Variants in GLIS3 observed in about 807,000 individuals in gnomAD.
The protein encoded by GLIS3 is GLIS family zinc finger 3, also known as zinc finger protein GLIS3.
In GLIS3, 53 loss-of-function variants were observed where a neutral mutation model predicts 78.6. The ratio of observed to expected loss-of-function variants is 0.67; its 90% confidence interval spans 0.54 to 0.85. The LOEUF (loss-of-function observed/expected upper bound fraction) is 0.85, where lower values mean the gene tolerates loss of function less well. GLIS3 is among the 40% of genes least tolerant of loss of function. The pLI is 0.00. For missense variants in GLIS3, 1,703 were observed against 1,231.1 expected (o/e 1.38, Z -5.74); for synonymous variants, 684 against 509.9 (o/e 1.34, Z -4.60).
At chr9:4,452,992 C>T in the GLIS3 span, among the ~76,000 whole-genome samples, 1 of 152,014 alleles carries the variant, frequency 6.6e-6, no homozygotes, top group East Asian at 1.9e-4. Flanking sequence ...AGAACAGAGG[C>T]CTCAGAAATA....
intron 2 of GLIS3, among the ~76,000 whole-genome samples, chr9:4,191,857 AAGAG>A (rs1818361809): frequency 6.6e-6 from 1 of 152,110 alleles, no homozygotes; most frequent in Admixed American, 6.5e-5. Flanking sequence ...AAGGAAAATG[AAGAG>A]AGAAAGAAAA....
the GLIS3 span, among the ~76,000 whole-genome samples, chr9:4,483,989 C>A: frequency 6.6e-6 from 1 of 152,182 alleles, no homozygotes; most frequent in Non-Finnish European, 1.5e-5. Flanking sequence ...GGGCCAAGTG[C>A]TTAGAAGAGC....
At chr9:4,359,917 T>C in the GLIS3 span, among the ~76,000 whole-genome samples, 1 of 152,092 alleles carries the variant, frequency 6.6e-6, no homozygotes, top group Admixed American at 6.6e-5. Flanking sequence ...TATAAATGTA[T>C]TTTCTGTATA....
intron 8 of GLIS3, among the ~76,000 whole-genome samples, chr9:3,863,783 G>T (rs971027664): frequency 6.6e-6 from 1 of 152,066 alleles, no homozygotes; most frequent in African/African-American, 2.4e-5. Flanking sequence ...GGAGCGAGTT[G>T]TAAGTCAAAA....
chr9:4,334,546 C>A (rs150956493), intron 2 of GLIS3, among the ~76,000 whole-genome samples: 14 of 152,350 alleles, frequency 9.2e-5, no homozygotes, highest in Admixed American at 7.8e-4. Context: ...AGGGCTCTTG[C>A]TCCAGCGTTG....
chr9:4,294,169 C>T (rs1201366749), intron 1 of GLIS3, among the ~76,000 whole-genome samples: 1 of 152,142 alleles, frequency 6.6e-6, no homozygotes, highest in South Asian at 2.1e-4. Context: ...TAAATCTGAC[C>T]TGTAAAAATG....
chr9:4,395,839 C>A, the GLIS3 span, among the ~76,000 whole-genome samples: 2 of 148,634 alleles, frequency 1.3e-5, no homozygotes, highest in Non-Finnish European at 3.0e-5. Flanking sequence ...AATGGCACAA[C>A]CTTGGCTCAC....
At chr9:3,845,751 CCACACACACA>C (rs145728680) in intron 9 of GLIS3, among the ~76,000 whole-genome samples, 1 of 151,020 alleles carries the variant, frequency 6.6e-6, no homozygotes, top group African/African-American at 2.4e-5. Context: ...ACACACACAC[CCACACACACA>C]CACAGTGGGG....
intron 9 of GLIS3, among the ~76,000 whole-genome samples, chr9:3,842,133 G>A (rs1474604086): frequency 6.6e-6 from 1 of 152,144 alleles, no homozygotes; most frequent in Non-Finnish European, 1.5e-5. Flanking sequence ...ATTCCCTTCA[G>A]CCTCCCCTGA....
rs1818897993 is a variant in GLIS3, at chr9:3,977,557, A to G, written c.1711-40368T>C. On this transcript the variant is annotated intron_variant, in intron 4 of 10. Transcript: ENST00000381971. This position sits in a 1 kb window ranked among gnomAD's most constrained non-coding sequence, Gnocchi z 4.1. ...AAAACAGCAGATATATACCCTGCTC[A>G]GATGTGCTGTATGGGATGTGAGCTG... is the stretch of plus-strand genomic sequence containing the variant. Among the ~76,000 whole-genome samples, 1 of 152,216 alleles carries G rather than the reference A, an allele frequency of 6.6e-6. No homozygotes were observed. Among genetic ancestry groups the G allele is most frequent in the African/African-American group, 2.4e-5 (1 of 41,452 alleles).
At chr9:4,368,818 C>T in the GLIS3 span, among the ~76,000 whole-genome samples, 2 of 152,160 alleles carry the variant, frequency 1.3e-5, no homozygotes, top group South Asian at 2.1e-4. Context: ...TAAATTCTCT[C>T]GTTCTAATTC....
Position 3,932,496 on chromosome 9 carries a change from A to C in GLIS3, c.1873-26T>G, listed in dbSNP as rs1469497876. The C allele has an allele frequency of 4.0e-6, 6 of 1,515,958 alleles. No individual in the cohort carries two copies. In the African/African-American group the frequency reaches 6.8e-5, roughly 17 times the overall value. The allele number at this position is 1,515,958 out of a possible 1,614,324, so 93.9% of individuals were successfully genotyped here. A position where few individuals can be genotyped will look rare whatever the true frequency, so the allele number is the denominator to read the frequency against. The stretch of plus-strand genomic sequence containing the variant: ...CTAAATGAGAAAGAAAGAAAGAAAC[A>C]GCTGTGGTTAAATCATAAAGGTAAT... On this transcript the variant is annotated intron_variant, in intron 5 of 10. Transcript: ENST00000381971.
At chr9:4,302,557 T>C (rs1817118253), upstream of GLIS3, among the ~76,000 whole-genome samples, 2 of 152,248 alleles carry the variant, frequency 1.3e-5, no homozygotes, top group Non-Finnish European at 2.9e-5. Context: ...TCTTTGCATA[T>C]ATTACCTCAT....
intron 4 of GLIS3, among the ~76,000 whole-genome samples, chr9:4,011,878 T>G (rs2130039045): frequency 6.6e-6 from 1 of 152,182 alleles, no homozygotes; most frequent in East Asian, 1.9e-4. Context: ...AAGAGATTGG[T>G]CTCTCTTTCC....
chr9:4,324,916 C>T (rs1343237483), intron 2 of GLIS3, among the ~76,000 whole-genome samples: 7 of 152,200 alleles, frequency 4.6e-5, no homozygotes, highest in Non-Finnish European at 7.3e-5. Flanking sequence ...AGTATCTTTA[C>T]GTGCTAAATA....
At chr9:3,916,009 AAT>A (rs1311765754) in intron 6 of GLIS3, among the ~76,000 whole-genome samples, 1 of 152,222 alleles carries the variant, frequency 6.6e-6, no homozygotes, top group Non-Finnish European at 1.5e-5. Context: ...AAAAATCAGA[AAT>A]TAACAAGTAG....
At chr9:3,874,906 G>A (rs984259438) in intron 8 of GLIS3, among the ~76,000 whole-genome samples, 5 of 152,116 alleles carry the variant, frequency 3.3e-5, no homozygotes, top group African/African-American at 1.2e-4. Context: ...TCAATCCACA[G>A]GCCTCCTTCA....
intron 2 of GLIS3, among the ~76,000 whole-genome samples, chr9:4,177,200 C>T (rs565876456): frequency 6.6e-5 from 10 of 152,246 alleles, no homozygotes; most frequent in African/African-American, 2.4e-4. Context: ...TTTATACTCC[C>T]GAGTTCAGTT....
At chr9:4,034,878 G>C (rs1357321205) in intron 4 of GLIS3, 3 of 152,064 alleles carry the variant, frequency 2.0e-5, no homozygotes, top group African/African-American at 7.3e-5. Context: ...AGTGGTGAGG[G>C]GGACCAAAAC....
Sources: allele counts gnomAD v4.1 joint callset (sites outside exome capture counted in the v4.1 genomes callset), GRCh38; gene constraint gnomAD v4.1.1; non-coding constraint Gnocchi (gnomAD v3.1); transcripts MANE v1.5; gene names NCBI Gene and HGNC (gene_info 2026-07-23, HGNC 2026-07-21).